The following SLIT3 variants were observed in gnomAD, a reference collection of about 807,000 sequenced individuals.
The protein encoded by SLIT3 is slit guidance ligand 3.
In SLIT3, 68 loss-of-function variants were observed where a neutral mutation model predicts 184.0. The observed-to-expected ratio is 0.37, with a 90% CI of 0.30 to 0.45. The LOEUF (loss-of-function observed/expected upper bound fraction) is 0.45, where lower values mean the gene tolerates loss of function less well. SLIT3 is among the 20% of genes least tolerant of loss of function. SLIT3 has a pLI of 1.00. For missense variants in SLIT3, 1,707 were observed against 2,026.0 expected (o/e 0.84, Z 3.02); for synonymous variants, 831 against 828.6 (o/e 1.00, Z -0.05).
intron 5 of SLIT3, among the ~76,000 whole-genome samples, chr5:168,854,605 G>C (rs1182948930): frequency 6.6e-6 from 1 of 152,254 alleles, no homozygotes; most frequent in African/African-American, 2.4e-5. Flanking sequence ...TTGGGCAGAG[G>C]CATGGCCTCT....
intron 27 of SLIT3, among the ~76,000 whole-genome samples, chr5:168,698,135 C>G (rs1762113559): frequency 6.6e-6 from 1 of 152,178 alleles, no homozygotes; most frequent in African/African-American, 2.4e-5. Flanking sequence ...TTTTTGTGAG[C>G]AGGCAATGCA....
At chr5:169,187,867 CT>C (rs775190580) in intron 4 of SLIT3, among the ~76,000 whole-genome samples, 11 of 116,942 alleles carry the variant, frequency 9.4e-5, no homozygotes, top group African/African-American at 1.1e-4. Flanking sequence ...ACGATAAATT[CT>C]TAAAAAAAAA....
chr5:168,907,979 T>TATATATATAGAG (rs376418381), intron 4 of SLIT3, among the ~76,000 whole-genome samples: 1 of 50,086 alleles, frequency 2.0e-5, no homozygotes, highest in African/African-American at 1.3e-4. Flanking sequence ...TATATATATA[T>TATATATATAGAG]AGAGAGAGAG....
intron 5 of SLIT3, among the ~76,000 whole-genome samples, chr5:168,862,577 A>T (rs568371241): frequency 3.3e-5 from 5 of 151,998 alleles, no homozygotes; most frequent in African/African-American, 1.2e-4. Flanking sequence ...TTGAATCACC[A>T]TCACTCAGCC....
Position 168,817,444 on chromosome 5 carries a change from G to C in SLIT3, c.649C>G (p.Leu217Val). ...CAGGCCAGGTGGCAGTCGCAGTACA[G>C]GTGGTTGGAGTGGAGGCGCCTGGGA... ...IRTLRLHSNH[L>V]YCDCHLAWLS... The change falls in exon 8 of 36, where the codon CTG (leucine) becomes GTG (valine). Residue 217 changes from leucine (L) to valine (V), a missense_variant. Physicochemically the swap from Leu to Val is conservative, Grantham distance 32. Around this residue, in one of 3 missense-constraint regions of SLIT3, gnomAD observed 1,307 missense variants for 1,511.6 expected, o/e 0.86. Transcript: ENST00000519560. 6.2e-7 allele frequency: 1 copy of C among 1,614,224 alleles called. No individual in the cohort carries two copies. Among genetic ancestry groups the C allele is most frequent in the Admixed American group, 1.7e-5 (1 of 60,032 alleles).
intron 29 of SLIT3, among the ~76,000 whole-genome samples, chr5:168,692,149 G>A (rs1179967415): frequency 6.6e-6 from 1 of 152,234 alleles, no homozygotes; most frequent in East Asian, 1.9e-4. Flanking sequence ...TGCATAAGCT[G>A]AAAAACTTGC....
chr5:169,035,219 C>T (rs1236937828), intron 4 of SLIT3, among the ~76,000 whole-genome samples: 1 of 152,056 alleles, frequency 6.6e-6, no homozygotes, highest in African/African-American at 2.4e-5. Flanking sequence ...TGGAGACAAT[C>T]ACTGTTATGT....
At chr5:168,882,828 A>G (rs1254564531) in intron 5 of SLIT3, among the ~76,000 whole-genome samples, 2 of 152,164 alleles carry the variant, frequency 1.3e-5, no homozygotes, top group Non-Finnish European at 2.9e-5. Context: ...TAAGAGTGAG[A>G]GCTTCAGCAC....
chr5:169,048,004 AAG>A (rs1675739284), intron 4 of SLIT3, among the ~76,000 whole-genome samples: 1 of 152,104 alleles, frequency 6.6e-6, no homozygotes. Flanking sequence ...GGGGGAAAAA[AAG>A]AGAAAACCAA....
intron 23 of SLIT3, among the ~76,000 whole-genome samples, chr5:168,716,593 T>G (rs10475885): frequency 0.012 from 1,830 of 151,486 alleles, 14 homozygotes; most frequent in East Asian, 0.076. Context: ...GTGTGCAGCT[T>G]GTATGTCTCA....
At chr5:169,240,599 TA>T (rs1765370051) in intron 3 of SLIT3, among the ~76,000 whole-genome samples, 1 of 135,916 alleles carries the variant, frequency 7.4e-6, no homozygotes, top group African/African-American at 2.7e-5. Flanking sequence ...TTTTTTTTTT[TA>T]CTTTCAAGTT....
chr5:169,235,421 T>G (rs115137852), intron 3 of SLIT3, among the ~76,000 whole-genome samples: 1,549 of 152,312 alleles, frequency 0.01, 33 homozygotes, highest in African/African-American at 0.033. Context: ...TAGATTTTGA[T>G]TTACATAAAA....
At chr5:169,127,446 T>G (rs1761122784) in intron 4 of SLIT3, among the ~76,000 whole-genome samples, 1 of 152,198 alleles carries the variant, frequency 6.6e-6, no homozygotes, top group Non-Finnish European at 1.5e-5. Context: ...TCAAGTTGAA[T>G]GGTTTTCAAA....
chr5:169,133,956 G>A (rs1427095840), intron 4 of SLIT3, among the ~76,000 whole-genome samples: 4 of 152,306 alleles, frequency 2.6e-5, no homozygotes, highest in Admixed American at 1.3e-4. Flanking sequence ...AGCACAAGCT[G>A]TTAAAACAAA....
chr5:168,901,841 C>T (rs928644485), intron 4 of SLIT3, among the ~76,000 whole-genome samples: 1 of 152,156 alleles, frequency 6.6e-6, no homozygotes, highest in Non-Finnish European at 1.5e-5. Flanking sequence ...TCCTTGGCTA[C>T]CTCTTTGCCA....
intron 5 of SLIT3, among the ~76,000 whole-genome samples, chr5:168,879,128 C>T (rs1290696542): frequency 2.0e-5 from 3 of 152,192 alleles, no homozygotes; most frequent in Admixed American, 6.5e-5. Flanking sequence ...TGTAGTAAAG[C>T]GTATGGTGTT....
At chr5:168,840,722 C>T (rs1282891209) in intron 6 of SLIT3, among the ~76,000 whole-genome samples, 1 of 152,196 alleles carries the variant, frequency 6.6e-6, no homozygotes. Flanking sequence ...TGAGTAACAG[C>T]AGAGGGTCTG....
chr5:169,048,081 C>A (rs1311668951), intron 4 of SLIT3, among the ~76,000 whole-genome samples: 6 of 152,348 alleles, frequency 3.9e-5, no homozygotes, highest in Non-Finnish European at 8.8e-5. Flanking sequence ...TGCCCCCAAA[C>A]CTCAATTTCT....
At chr5:168,800,344 G>T (rs1261084297) in intron 9 of SLIT3, among the ~76,000 whole-genome samples, 2 of 152,188 alleles carry the variant, frequency 1.3e-5, no homozygotes, top group Non-Finnish European at 2.9e-5. Flanking sequence ...CCAGCACTTT[G>T]GGAGGCTGAG....
Sources: gnomAD v4.1 joint callset for allele counts (sites outside exome capture counted in the v4.1 genomes callset) on GRCh38, gnomAD v4.1.1 for gene constraint, gnomAD v4.1.1 regional missense constraint, MANE v1.5 for transcripts, NCBI Gene and HGNC (gene_info 2026-07-23, HGNC 2026-07-21) for gene names.